Variants in PARD3 observed in about 807,000 individuals in gnomAD.
PARD3 encodes partitioning defective 3 homolog.
PARD3 carries 75 observed loss-of-function variants against 155.4 expected under a neutral mutation model. The observed-to-expected ratio is 0.48, with a 90% confidence interval of 0.40 to 0.58. The LOEUF is 0.58. Ranked by LOEUF, PARD3 falls within the 20% of genes least tolerant of loss-of-function variation. The pLI is 0.00. For missense variants in PARD3, 1,642 were observed against 1,721.7 expected (o/e 0.95, Z 0.82); for synonymous variants, 576 against 610.5 (o/e 0.94, Z 0.83).
intron 2 of PARD3, among the ~76,000 whole-genome samples, chr10:34,651,070 T>G (rs1413975845): frequency 7.0e-6 from 1 of 143,748 alleles, no homozygotes; most frequent in Non-Finnish European, 1.5e-5. Context: ...TGGCTCACAC[T>G]TTGGATGCAC....
chr10:34,598,537 A>T (rs2089491543), intron 2 of PARD3, among the ~76,000 whole-genome samples: 1 of 152,180 alleles, frequency 6.6e-6, no homozygotes, highest in East Asian at 1.9e-4. Context: ...GAAAAAAAAT[A>T]TTTTTTTAAA....
chr10:34,388,417 G>A (rs16935352), intron 7 of PARD3, among the ~76,000 whole-genome samples: 16,428 of 152,086 alleles, frequency 0.11, 1,782 homozygotes, highest in African/African-American at 0.28. Context: ...AAGAACCTCC[G>A]AAGGAAATCA....
chr10:34,633,354 C>T (rs1411111272), intron 2 of PARD3, among the ~76,000 whole-genome samples: 1 of 152,028 alleles, frequency 6.6e-6, no homozygotes, highest in Non-Finnish European at 1.5e-5. Context: ...CCCTCCCAAC[C>T]GCTAACCTCC....
chr10:34,430,722 A>G (rs1327587755), intron 5 of PARD3, among the ~76,000 whole-genome samples: 1 of 152,234 alleles, frequency 6.6e-6, no homozygotes, highest in Admixed American at 6.5e-5. Flanking sequence ...GCTGTCCGCT[A>G]TGGTATTAAA....
In PARD3 at chr10:34,450,383, G is replaced by C. The variant is rs1028266953; in HGVS notation, c.648C>G (p.Asp216Glu). The part of the protein sequence containing the change: ...TSNWSNQFQR[D>E]NARSSLSASH... ...TGGCACTCAGAGACGAGCGAGCATT[G>C]TCTCTCTGAAATTGGTTAGACCAGT... The change falls in exon 5 of 25, where the codon GAC becomes GAG. Residue 216 changes from aspartate (D) to glutamate (E), a missense_variant. Transcript: ENST00000374788. 1.2e-6 allele frequency: 2 copies of C among 1,613,798 alleles called. No homozygotes were observed. Among genetic ancestry groups the C allele is most frequent in the Admixed American group, 1.7e-5 (1 of 60,008 alleles).
intron 2 of PARD3, among the ~76,000 whole-genome samples, chr10:34,521,807 T>C (rs962261434): frequency 6.6e-6 from 1 of 152,220 alleles, no homozygotes; most frequent in African/African-American, 2.4e-5. Context: ...GTCCCTTTAA[T>C]AGGTAAAATT....
intron 19 of PARD3, among the ~76,000 whole-genome samples, chr10:34,318,310 A>C (rs1958143339): frequency 6.6e-6 from 1 of 152,198 alleles, no homozygotes; most frequent in South Asian, 2.1e-4. Context: ...TGGTCACCTA[A>C]GGTTCTCCTC....
chr10:34,240,244 G>A (rs565627075), intron 22 of PARD3, among the ~76,000 whole-genome samples: 53 of 152,164 alleles, frequency 3.5e-4, no homozygotes, highest in Non-Finnish European at 6.0e-4. Context: ...AAAGATGTTC[G>A]TGACTTATTA....
chr10:34,510,090 A>G (rs1452777834), intron 3 of PARD3, among the ~76,000 whole-genome samples: 1 of 152,236 alleles, frequency 6.6e-6, no homozygotes, highest in Non-Finnish European at 1.5e-5. Context: ...AATTAGAAGA[A>G]TTGAGTAATA....
chr10:34,518,354 G>T (rs1177835521), intron 2 of PARD3, among the ~76,000 whole-genome samples: 1 of 152,162 alleles, frequency 6.6e-6, no homozygotes, highest in Non-Finnish European at 1.5e-5. Context: ...CCAGATCGTG[G>T]TTTCTAATAC....
intron 3 of PARD3, among the ~76,000 whole-genome samples, chr10:34,478,590 C>T (rs2133170503): frequency 6.6e-6 from 1 of 152,302 alleles, no homozygotes; most frequent in Middle Eastern, 3.4e-3. Flanking sequence ...GTTGCCCAGG[C>T]TGGAGTGTAA....
chr10:34,767,164 T>C (rs1300819915), intron 1 of PARD3, among the ~76,000 whole-genome samples: 1 of 152,198 alleles, frequency 6.6e-6, no homozygotes, highest in Non-Finnish European at 1.5e-5. Context: ...AGGCTGGGGA[T>C]TCAGCATGAA....
intron 20 of PARD3, among the ~76,000 whole-genome samples, chr10:34,299,529 G>A (rs1034442134): frequency 6.6e-6 from 1 of 152,150 alleles, no homozygotes; most frequent in African/African-American, 2.4e-5. Context: ...AGACTAAATG[G>A]AAACTGGATA....
chr10:34,739,424 A>T (rs999399574), intron 1 of PARD3, among the ~76,000 whole-genome samples: 1 of 152,216 alleles, frequency 6.6e-6, no homozygotes, highest in Admixed American at 6.5e-5. Flanking sequence ...GATCAACCAT[A>T]TCAAGTACTA....
intron 1 of PARD3, among the ~76,000 whole-genome samples, chr10:34,728,535 A>G (rs539205924): frequency 1.3e-5 from 2 of 152,334 alleles, no homozygotes; most frequent in African/African-American, 2.4e-5. Context: ...TATGCACCTC[A>G]AAGTACTCTC....
At chr10:34,485,654 T>C (rs1419372838) in intron 3 of PARD3, among the ~76,000 whole-genome samples, 1 of 152,050 alleles carries the variant, frequency 6.6e-6, no homozygotes, top group Non-Finnish European at 1.5e-5. Context: ...ATATAAGGGG[T>C]TGTGGAGCCC....
intron 1 of PARD3, among the ~76,000 whole-genome samples, chr10:34,813,691 G>T (rs924394814): frequency 6.6e-6 from 1 of 152,168 alleles, no homozygotes; most frequent in Non-Finnish European, 1.5e-5. Context: ...CTTAATTTCT[G>T]AGAGAACTGA....
At chr10:34,279,808 C>T (rs1956075929) in intron 21 of PARD3, among the ~76,000 whole-genome samples, 1 of 152,082 alleles carries the variant, frequency 6.6e-6, no homozygotes, top group South Asian at 2.1e-4. Context: ...ATTGAAAACA[C>T]AAGGCTTTGA....
intron 22 of PARD3, among the ~76,000 whole-genome samples, chr10:34,199,948 T>C (rs560903609): frequency 1.3e-5 from 2 of 152,288 alleles, no homozygotes; most frequent in African/African-American, 4.8e-5. Context: ...TCCAGGATAT[T>C]GTGTTATTAT....
Sources: gnomAD v4.1 joint callset for allele counts (sites outside exome capture counted in the v4.1 genomes callset) on GRCh38, gnomAD v4.1.1 for gene constraint, MANE v1.5 for transcripts, NCBI Gene and HGNC (gene_info 2026-07-23, HGNC 2026-07-21) for gene names.